The following BBS4 variants were observed in gnomAD, a reference collection of about 807,000 sequenced individuals.
BBS4 encodes BBSome complex member BBS4.
A neutral mutation model predicts 71.4 loss-of-function variants in BBS4; 58 were observed. The observed-to-expected ratio is 0.81, with a 90% CI of 0.66 to 1.01. The LOEUF (loss-of-function observed/expected upper bound fraction) is 1.01, where lower values mean the gene tolerates loss of function less well. Ranked by LOEUF, BBS4 falls within the 50% of genes least tolerant of loss-of-function variation. The pLI is 0.00. For synonymous variants in BBS4, 228 were observed against 216.8 expected, an observed-to-expected ratio of 1.05 and a Z score of -0.46; for missense variants, 660 against 607.9, an observed-to-expected ratio of 1.09 and a Z score of -0.90.
chr15:72,725,278 A>C (rs797015552), intron 8 of BBS4, among the ~76,000 whole-genome samples: 1 of 151,862 alleles, frequency 6.6e-6, no homozygotes, highest in East Asian at 1.9e-4. Context: ...TGTGTTGCCC[A>C]GGCTGGTCTT....
chr15:72,693,454 T>C (rs2065021584), intron 1 of BBS4, among the ~76,000 whole-genome samples: 2 of 152,206 alleles, frequency 1.3e-5, no homozygotes. Flanking sequence ...AGCAAACCTT[T>C]TTTTGTAAAG....
chr15:72,692,770 GT>G (rs566147594), intron 1 of BBS4, among the ~76,000 whole-genome samples: 1 of 151,550 alleles, frequency 6.6e-6, no homozygotes, highest in Non-Finnish European at 1.5e-5. Context: ...AATTTCTAAA[GT>G]TTTTTTTATA....
chr15:72,709,931 T>C (rs2065335564), intron 3 of BBS4, 152 bp downstream of exon 3: 1 of 712,442 alleles, frequency 1.4e-6, no homozygotes, highest in Admixed American at 2.2e-5. Context: ...TCTTTTGCTA[T>C]GGTAGTGATG....
At chr15:72,705,926 T>C (rs997996816) in intron 2 of BBS4, among the ~76,000 whole-genome samples, 4 of 152,164 alleles carry the variant, frequency 2.6e-5, no homozygotes, top group African/African-American at 9.7e-5. Flanking sequence ...CAGCTAAGAC[T>C]TGAAAATTAA....
chr15:72,686,345 G>A (rs776553327), intron 1 of BBS4, 94 bp downstream of exon 1: 2 of 1,543,608 alleles, frequency 1.3e-6, no homozygotes, highest in Admixed American at 2.0e-5. Context: ...GGAGAGAGGC[G>A]GAGCTGGGTG....
intron 2 of BBS4, among the ~76,000 whole-genome samples, chr15:72,706,118 A>G (rs1442674172): frequency 6.6e-6 from 1 of 152,032 alleles, no homozygotes; most frequent in African/African-American, 2.4e-5. Context: ...TTAGTAAGCT[A>G]CTTGTCCCAG....
chr15:72,730,421 A>AC (rs1316849248), intron 10 of BBS4, among the ~76,000 whole-genome samples: 21 of 152,052 alleles, frequency 1.4e-4, no homozygotes, highest in African/African-American at 4.8e-4. Context: ...ACATAGTGAG[A>AC]CCCCCATTTC....
At chr15:72,729,216 C>A in intron 9 of BBS4, among the ~76,000 whole-genome samples, 1 of 108,654 alleles carries the variant, frequency 9.2e-6, no homozygotes, top group Admixed American at 1.1e-4. Flanking sequence ...AAAGCCAGAG[C>A]ATTTCTGTTC....
intron 2 of BBS4, among the ~76,000 whole-genome samples, chr15:72,706,527 T>G (rs2065267571): frequency 6.6e-6 from 1 of 152,110 alleles, no homozygotes; most frequent in South Asian, 2.1e-4. Flanking sequence ...CGAAGGAGAT[T>G]TGATTCTGGA....
Position 72,735,853 on chromosome 15 carries a change from G to A in BBS4, c.1135G>A (p.Ala379Thr), listed in dbSNP as rs753709130. ...KCNPLVNLNY[A>T]VLLYNQGEKK... ...TAACCCTTTAGTAAACCTGAACTAT[G>A]CTGTGCTGCTGTACAACCAGGGCGA... The change falls in exon 14 of 16, where the codon GCT (alanine) becomes ACT (threonine). Residue 379 changes from alanine to threonine, a missense_variant. Ala to Thr is a moderately conservative substitution (Grantham distance 58, BLOSUM62 0). Coordinates refer to ENST00000268057, the MANE Select transcript of BBS4 (RefSeq NM_033028.5). The A allele has an allele frequency of 1.2e-5, 19 of 1,614,126 alleles. No individual in the cohort carries two copies. The East Asian group carries it at 4.0e-4, about 34-fold the overall frequency.
chr15:72,732,641 A>C (rs897407850), intron 12 of BBS4, among the ~76,000 whole-genome samples: 3 of 152,200 alleles, frequency 2.0e-5, no homozygotes, highest in Non-Finnish European at 2.9e-5. Context: ...TAAAAAAAAA[A>C]CATAGGTTTT....
intron 12 of BBS4, among the ~76,000 whole-genome samples, chr15:72,734,243 A>T (rs570803693): frequency 1.3e-5 from 2 of 152,350 alleles, no homozygotes; most frequent in South Asian, 4.1e-4. Context: ...CTGGGTTCTA[A>T]TGGAACACAG....
intron 6 of BBS4, among the ~76,000 whole-genome samples, chr15:72,721,345 T>C (rs2065572474): frequency 6.6e-6 from 1 of 152,332 alleles, no homozygotes; most frequent in East Asian, 1.9e-4. Flanking sequence ...TGGGCTGTTA[T>C]TTGCTTACAA....
chr15:72,734,576 G>A (rs1395038533), intron 12 of BBS4, among the ~76,000 whole-genome samples: 2 of 152,204 alleles, frequency 1.3e-5, no homozygotes, highest in East Asian at 3.8e-4. Flanking sequence ...TAGGTGCCTG[G>A]TAGGAGTGAG....
intron 1 of BBS4, among the ~76,000 whole-genome samples, chr15:72,692,304 A>ATT (rs398027909): frequency 1.5e-4 from 9 of 59,262 alleles, no homozygotes; most frequent in African/African-American, 4.0e-4. Flanking sequence ...TTACATTGCA[A>ATT]TTTTTTTTTT....
At chr15:72,690,994 C>T (rs945483719) in intron 1 of BBS4, among the ~76,000 whole-genome samples, 9 of 151,980 alleles carry the variant, frequency 5.9e-5, no homozygotes, top group African/African-American at 2.2e-4. Flanking sequence ...GTTTATTTTC[C>T]ACCCGTATCT....
intron 10 of BBS4, among the ~76,000 whole-genome samples, chr15:72,730,718 TGCA>T (rs1262643493): frequency 2.0e-5 from 3 of 152,206 alleles, no homozygotes; most frequent in African/African-American, 7.2e-5. Context: ...ATTGAGGAGA[TGCA>T]GCAAGACAAG....
rs1432849168 is a variant in BBS4, at chr15:72,731,477, CTTTG to C, written c.864+26_864+29del. On this transcript the variant is annotated intron_variant, in intron 11 of 15. Transcript: ENST00000268057. ...GTGGCGGTGAGTGTCCCCTCATGTT[CTTTG>C]TTTGTATTTCTACATGTGGTTATTG... 7 of 1,614,002 alleles carry C rather than the reference CTTTG, an allele frequency of 4.3e-6. No homozygotes were observed. Among genetic ancestry groups the C allele is most frequent in the South Asian group, 3.3e-5 (3 of 91,072 alleles).
intron 9 of BBS4, 73 bp downstream of exon 9, chr15:72,728,067 C>A: frequency 9.6e-7 from 1 of 1,044,208 alleles, no homozygotes; most frequent in Non-Finnish European, 1.5e-6. Context: ...TGGTGGTTTT[C>A]CTGCATTCTG....
Sources: gnomAD v4.1 joint callset for allele counts (sites outside exome capture counted in the v4.1 genomes callset) on GRCh38, gnomAD v4.1.1 for gene constraint, MANE v1.5 for transcripts, NCBI Gene and HGNC (gene_info 2026-07-23, HGNC 2026-07-21) for gene names.